KCNAB1: variants seen among roughly 807,000 people sequenced by gnomAD.
KCNAB1 encodes the protein potassium voltage-gated channel subfamily A regulatory beta subunit 1.
In KCNAB1, 35 loss-of-function variants were observed where a neutral mutation model predicts 64.6. The ratio of observed to expected loss-of-function variants is 0.54; its 90% confidence interval spans 0.41 to 0.72. The LOEUF is 0.72. Among genes scored for constraint, KCNAB1 ranks in the 30% least tolerant of loss-of-function variants. The pLI is 0.00. For missense variants in KCNAB1, 401 were observed against 512.9 expected (o/e 0.78, Z 2.11); for synonymous variants, 177 against 183.8 (o/e 0.96, Z 0.30).
chr3:156,145,467 C>T (rs766019868), intron 1 of KCNAB1, among the ~76,000 whole-genome samples: 52 of 152,272 alleles, frequency 3.4e-4, no homozygotes, highest in Non-Finnish European at 6.9e-4. Flanking sequence ...CTCTTGGCTC[C>T]TCCCCAACTT....
intron 8 of KCNAB1, among the ~76,000 whole-genome samples, chr3:156,498,742 T>C (rs969359422): frequency 1.3e-5 from 2 of 152,250 alleles, no homozygotes; most frequent in African/African-American, 2.4e-5. Flanking sequence ...GACTGAAATA[T>C]TGAAGTTGAG....
intron 1 of KCNAB1, among the ~76,000 whole-genome samples, chr3:156,162,432 G>A (rs2108311861): frequency 6.6e-6 from 1 of 152,222 alleles, no homozygotes; most frequent in South Asian, 2.1e-4. Flanking sequence ...TCAAAACAGA[G>A]CCTTCCATTA....
rs1201784569 is a variant in KCNAB1 at position 156,279,676 on chromosome 3, G to A, written c.276-141940G>A. The stretch of plus-strand genomic sequence containing the variant: ...TTGCCATTCTAACTGGTGTGAGATG[G>A]TATCTCATTGTGGTTTTGATTTGCA... On this transcript the variant is annotated intron_variant, in intron 1 of 13. Coordinates refer to ENST00000490337, the MANE Select transcript of KCNAB1 (RefSeq NM_172160.3). 5.1e-4 allele frequency among the ~76,000 whole-genome samples: 78 copies of A among 152,208 alleles called. 1 individual carries two copies. In the Middle Eastern group the frequency reaches 0.014, roughly 27 times the overall value.
At chr3:156,428,602 T>C (rs1715999116) in intron 2 of KCNAB1, among the ~76,000 whole-genome samples, 1 of 151,440 alleles carries the variant, frequency 6.6e-6, no homozygotes, top group South Asian at 2.1e-4. Context: ...CAAAACATCA[T>C]GCAAGTGTAT....
chr3:156,429,005 C>T (rs1421958712), intron 2 of KCNAB1, among the ~76,000 whole-genome samples: 1 of 152,226 alleles, frequency 6.6e-6, no homozygotes. Flanking sequence ...TACTTCTTAA[C>T]ACCTTGGAGG....
chr3:156,128,220 T>A (rs1289597821), intron 1 of KCNAB1, among the ~76,000 whole-genome samples: 1 of 152,194 alleles, frequency 6.6e-6, no homozygotes, highest in Non-Finnish European at 1.5e-5. Flanking sequence ...TGTAAAATAA[T>A]GAGACTAGAC....
intron 2 of KCNAB1, among the ~76,000 whole-genome samples, chr3:156,426,632 A>T (rs1715840312): frequency 6.6e-6 from 1 of 152,214 alleles, no homozygotes; most frequent in South Asian, 2.1e-4. Context: ...TTGCCTATTC[A>T]TCCCTCCCTC....
intron 1 of KCNAB1, among the ~76,000 whole-genome samples, chr3:156,281,650 A>T (rs1719734423): frequency 6.6e-6 from 1 of 152,052 alleles, no homozygotes; most frequent in South Asian, 2.1e-4. Flanking sequence ...AGCTCCTGTT[A>T]TTGGGCTATT....
intron 1 of KCNAB1, among the ~76,000 whole-genome samples, chr3:156,202,362 G>A (rs1397033745): frequency 2.6e-5 from 4 of 152,184 alleles, no homozygotes; most frequent in African/African-American, 9.7e-5. Flanking sequence ...CAAGTCTTGG[G>A]TGTAGCCCTC....
At position 156,516,327 on chromosome 3, in the gene KCNAB1, G is replaced by GA; in HGVS notation, c.926dup (p.Asn309LysfsTer5). 1 of 1,614,030 alleles carries GA rather than the reference G, an allele frequency of 6.2e-7. No homozygotes were observed. The highest frequency in any genetic ancestry group is 8.5e-7 in the Non-Finnish European group (1 of 1,179,874). ...TGTGGAATCATCTCAGGAAAATACGGAAACGGGGTGCCTGAAAGTTCCAGG... is the reference window on the plus strand; with the variant it reads ...TGTGGAATCATCTCAGGAAAATACGGAAAACGGGGTGCCTGAAAGTTCCAGG... On this transcript the variant is annotated frameshift_variant, in exon 11 of 14. Transcript: ENST00000490337. LOFTEE classifies it high-confidence loss of function.
chr3:156,177,375 C>G (rs1238543546), intron 1 of KCNAB1, among the ~76,000 whole-genome samples: 1 of 152,020 alleles, frequency 6.6e-6, no homozygotes, highest in Admixed American at 6.5e-5. Flanking sequence ...ATTTTTATTT[C>G]TTTATTTCTT....
intron 1 of KCNAB1, among the ~76,000 whole-genome samples, chr3:156,387,866 G>A (rs1487090762): frequency 6.6e-6 from 1 of 152,138 alleles, no homozygotes; most frequent in Non-Finnish European, 1.5e-5. Context: ...GAAGAAAAGA[G>A]TCAGAGATTT....
At chr3:156,455,174 G>A (rs970970744) in intron 3 of KCNAB1, among the ~76,000 whole-genome samples, 2 of 152,152 alleles carry the variant, frequency 1.3e-5, no homozygotes, top group African/African-American at 2.4e-5. Context: ...GCAAAAATGC[G>A]GACCAATAGC....
chr3:156,268,861 A>G (rs1718872431), intron 1 of KCNAB1, among the ~76,000 whole-genome samples: 1 of 151,956 alleles, frequency 6.6e-6, no homozygotes, highest in South Asian at 2.1e-4. Context: ...TTTTAACTTG[A>G]TGTTATCCCA....
intron 1 of KCNAB1, among the ~76,000 whole-genome samples, chr3:156,252,829 A>G (rs1021704202): frequency 2.0e-5 from 3 of 152,192 alleles, no homozygotes; most frequent in Admixed American, 6.5e-5. Flanking sequence ...TCCAACGCGC[A>G]TTGTCTTAAA....
intron 1 of KCNAB1, among the ~76,000 whole-genome samples, chr3:156,294,180 A>C (rs936742999): frequency 1.3e-5 from 2 of 152,226 alleles, no homozygotes; most frequent in African/African-American, 4.8e-5. Flanking sequence ...TCTGCTTCCC[A>C]AAAGCTCAGA....
rs1576991004 is a variant in KCNAB1, at chr3:156,537,170, G to A, written c.*423G>A. ...GATAGACTAAATTCAGTGAAGGAAA[G>A]GAATTGAGAGATTTTTCTTAGTAAA... On this transcript the variant is annotated 3_prime_UTR_variant, in exon 14 of 14. Coordinates refer to ENST00000490337, the MANE Select transcript of KCNAB1 (RefSeq NM_172160.3). 2.5e-6 allele frequency: 1 copy of A among 397,242 alleles called. No homozygotes were observed. The highest frequency in any genetic ancestry group is 4.4e-6 in the Non-Finnish European group (1 of 225,458). 24.6% of individuals were successfully genotyped at this position (397,242 alleles called of 1,614,324 possible).
intron 1 of KCNAB1, among the ~76,000 whole-genome samples, chr3:156,185,904 C>T (rs556905535): frequency 2.0e-5 from 3 of 152,150 alleles, no homozygotes; most frequent in Non-Finnish European, 4.4e-5. Flanking sequence ...GTGTTCTGAA[C>T]TTCTCTATAA....
chr3:156,536,476 TCAA>T (rs1719063599), intron 13 of KCNAB1, 179 bp from the exon 14 acceptor site: 1 of 575,170 alleles, frequency 1.7e-6, no homozygotes, highest in Admixed American at 3.1e-5. Context: ...ATGCAGTCAA[TCAA>T]CAAGGCCCCT....
Sources: allele counts gnomAD v4.1 joint callset (sites outside exome capture counted in the v4.1 genomes callset), GRCh38; gene constraint gnomAD v4.1.1; transcripts MANE v1.5; gene names NCBI Gene and HGNC (gene_info 2026-07-23, HGNC 2026-07-21).